The following FSIP2 variants were observed in gnomAD, a reference collection of about 807,000 sequenced individuals.
FSIP2 encodes fibrous sheath interacting protein 2, also known as fibrous sheath-interacting protein 2.
In FSIP2, 367 loss-of-function variants were observed where a neutral mutation model predicts 510.5. The ratio of observed to expected loss-of-function variants is 0.72; its 90% CI spans 0.66 to 0.78. FSIP2 has a LOEUF of 0.78. Ranked by LOEUF, FSIP2 falls within the 30% of genes least tolerant of loss-of-function variation. FSIP2 has a pLI of 0.00. For missense variants in FSIP2, 7,594 were observed against 7,901.7 expected (o/e 0.96, Z 1.48); for synonymous variants, 2,601 against 2,732.2 (o/e 0.95, Z 1.50).
In FSIP2 at chr2:185,806,738, G is replaced by C. The variant is rs1177343511; in HGVS notation, c.17432G>C (p.Arg5811Thr). The change falls in exon 17 of 23, where the codon AGA becomes ACA. Residue 5811 changes from arginine to threonine, a missense_variant. Transcript: ENST00000424728. Reference sequence around the variant, plus strand: ...ATACCAGAAACACAAATACAAGATAGATGTCAAAATGTTAGTGATAAGCAA... The same window carrying C: ...ATACCAGAAACACAAATACAAGATACATGTCAAAATGTTAGTGATAAGCAA... ...SSIPETQIQDRCQNVSDKQNQ... is the reference protein window; with the variant it reads ...SSIPETQIQDTCQNVSDKQNQ... 1.2e-6 allele frequency: 2 copies of C among 1,611,106 alleles called. No homozygotes were observed. The highest frequency in any genetic ancestry group is 1.7e-6 in the Non-Finnish European group (2 of 1,178,446).
At chr2:185,742,621 C>A (rs1380089720) in intron 2 of FSIP2, among the ~76,000 whole-genome samples, 1 of 152,056 alleles carries the variant, frequency 6.6e-6, no homozygotes, top group Non-Finnish European at 1.5e-5. Context: ...AACTCAAAAT[C>A]GTTAACATCT....
Position 185,801,545 on chromosome 2 carries a change from C to T in FSIP2, c.12239C>T (p.Thr4080Ile). The change falls in exon 17 of 23, where the codon ACA (threonine) becomes ATA (isoleucine). Residue 4080 changes from threonine to isoleucine, a missense_variant. Coordinates refer to ENST00000424728, the MANE Select transcript of FSIP2 (RefSeq NM_173651.4). ...AATGCCTCAATAGCAGAACAAATAA[C>T]AAATGGCATATTGTTAGAGATTTTA... ...YDNASIAEQI[T>I]NGILLEILDY... 1 of 1,534,042 alleles carries T rather than the reference C, an allele frequency of 6.5e-7. No individual in the cohort carries two copies. Among genetic ancestry groups the T allele is most frequent in the Non-Finnish European group, 8.7e-7 (1 of 1,145,534 alleles).
chr2:185,794,304 A>G lies in FSIP2; in HGVS notation c.7168A>G (p.Ser2390Gly). ...NILFQENIIV[S>G]EIVDSMLKML... ...TTTGTTCCAAGAAAACATCATTGTG[A>G]GTGAAATTGTTGACAGTATGTTAAA... The change falls in exon 16 of 23, where the codon AGT (serine) becomes GGT (glycine). Residue 2390 changes from serine to glycine, a missense_variant. Physicochemically the swap from Ser to Gly is moderately conservative, Grantham distance 56. Coordinates refer to ENST00000424728, the MANE Select transcript of FSIP2 (RefSeq NM_173651.4). The G allele has an allele frequency of 1.3e-6, 2 of 1,523,882 alleles. No homozygotes were observed. Among genetic ancestry groups the G allele is most frequent in the Non-Finnish European group, 8.8e-7 (1 of 1,140,476 alleles). The allele number at this position is 1,523,882 out of a possible 1,614,324, so 94.4% of individuals were successfully genotyped here.
intron 20 of FSIP2, among the ~76,000 whole-genome samples, chr2:185,826,816 G>A (rs1021371734): frequency 6.6e-6 from 1 of 151,814 alleles, no homozygotes; most frequent in Non-Finnish European, 1.5e-5. Context: ...GTTATGTTGA[G>A]ATTGAGGTGT....
Position 185,796,773 on chromosome 2 carries a change from T to C in FSIP2, c.9637T>C (p.Ser3213Pro), listed in dbSNP as rs1027608855. ...SSDLPTSVRSSVEDTVKNSEP... is the reference protein window; with the variant it reads ...SSDLPTSVRSPVEDTVKNSEP... Reference sequence around the variant, plus strand: ...AGATTTACCCACCTCTGTCAGATCCTCTGTAGAAGACACAGTTAAAAACTC... The same window carrying C: ...AGATTTACCCACCTCTGTCAGATCCCCTGTAGAAGACACAGTTAAAAACTC... Residue 3213 changes from serine to proline, a missense_variant, in exon 16 of 23, where the codon TCT becomes CCT. Ser to Pro is a moderately conservative substitution (Grantham distance 74). Coordinates refer to ENST00000424728, the MANE Select transcript of FSIP2 (RefSeq NM_173651.4). 2 of 1,534,962 alleles carry C rather than the reference T, an allele frequency of 1.3e-6. No individual in the cohort carries two copies. Among genetic ancestry groups the C allele is most frequent in the African/African-American group, 2.7e-5 (2 of 72,916 alleles).
At position 185,800,271 on chromosome 2, in the gene FSIP2, A is replaced by G; in HGVS notation, c.10965A>G (p.Arg3655=). ...AAATCAATAGACAGGCAAGCCCCAG[A>G]GACTGGCAATTTTCTACTCAACAAA... The part of the protein sequence containing the change: ...CNKINRQASP[R]DWQFSTQQIG... The change falls in exon 17 of 23, where the codon AGA becomes AGG. Residue 3655 remains arginine, a synonymous_variant. Coordinates refer to ENST00000424728, the MANE Select transcript of FSIP2 (RefSeq NM_173651.4). 6.5e-7 allele frequency: 1 copy of G among 1,534,094 alleles called. No individual in the cohort carries two copies. The highest frequency in any genetic ancestry group is 8.7e-7 in the Non-Finnish European group (1 of 1,145,642).
rs772708013 is a variant in FSIP2 at position 185,808,426 on chromosome 2, T to C, written c.19120T>C (p.Ser6374Pro). 6.2e-6 allele frequency: 10 copies of C among 1,606,374 alleles called. No individual in the cohort carries two copies. In the African/African-American group the frequency reaches 1.1e-4, roughly 17 times the overall value. The change falls in exon 17 of 23, where the codon TCA becomes CCA. Residue 6374 changes from serine to proline, a missense_variant. Transcript: ENST00000424728. ...SSSSKDEKNL[S>P]KTELNKIASQ... ...CTCAAGCAAAGATGAAAAAAACTTA[T>C]CAAAGACTGAGTTAAATAAAATTGC...
At chr2:185,739,827 G>A (rs1691886316) in intron 2 of FSIP2, among the ~76,000 whole-genome samples, 1 of 152,004 alleles carries the variant, frequency 6.6e-6, no homozygotes, top group Admixed American at 6.6e-5. Flanking sequence ...GCCATTTAAT[G>A]ATATGTTACG....
rs1693510295 is a variant in FSIP2 at position 185,804,354 on chromosome 2, A to T, written c.15048A>T (p.Arg5016Ser). The part of the protein sequence containing the change: ...NFDKNLCFSE[R>S]YKEMVQKIVN... The stretch of plus-strand genomic sequence containing the variant: ...ATAAAAATTTGTGTTTCTCAGAAAG[A>T]TACAAAGAAATGGTTCAAAAAATAG... Residue 5016 changes from arginine (R) to serine (S), a missense_variant, in exon 17 of 23, where the codon AGA becomes AGT. Coordinates refer to ENST00000424728, the MANE Select transcript of FSIP2 (RefSeq NM_173651.4). The T allele has an allele frequency of 6.7e-7, 1 of 1,502,840 alleles. No homozygotes were observed. The highest frequency in any genetic ancestry group is 8.8e-7 in the Non-Finnish European group (1 of 1,133,434). 93.1% of individuals were successfully genotyped at this position (1,502,840 alleles called of 1,614,324 possible).
intron 13 of FSIP2, among the ~76,000 whole-genome samples, chr2:185,782,498 C>T (rs1003530228): frequency 6.6e-6 from 1 of 152,070 alleles, no homozygotes; most frequent in African/African-American, 2.4e-5. Context: ...AAAGACTAGT[C>T]AGAGAAGACA....
At chr2:185,810,726 C>A (rs563246559) in intron 17 of FSIP2, among the ~76,000 whole-genome samples, 37 of 151,752 alleles carry the variant, frequency 2.4e-4, no homozygotes, top group African/African-American at 8.5e-4. Context: ...GACAGAGCCT[C>A]TTTTTTGTGG....
At chr2:185,782,597 G>A in intron 13 of FSIP2, 108 bp from the exon 14 acceptor site, 1 of 708,518 alleles carries the variant, frequency 1.4e-6, no homozygotes, top group Non-Finnish European at 2.5e-6. Context: ...CTGAAAGCCT[G>A]TAAACGAGGC....
rs146827303 is a variant in FSIP2 at position 185,787,183 on chromosome 2, T to A, written c.1506+895T>A. ...CCTATAAACATTTAGGTATGATTCT[T>A]AAGTATTTGATTTAGACTGTATTTA... On this transcript the variant is annotated intron_variant, in intron 15 of 22. Coordinates refer to ENST00000424728, the MANE Select transcript of FSIP2 (RefSeq NM_173651.4). Among the ~76,000 whole-genome samples, 1,134 of 151,862 alleles carry A rather than the reference T, an allele frequency of 7.5e-3. 11 individuals are homozygous for A. Among genetic ancestry groups the A allele is most frequent in the Admixed American group, 0.011 (174 of 15,208 alleles).
Position 185,800,658 on chromosome 2 carries a change from A to C in FSIP2, c.11352A>C (p.Ser3784=). Residue 3784 remains serine, a synonymous_variant, in exon 17 of 23, where the codon TCA becomes TCC. Transcript: ENST00000424728. ...AAGGGTCTGTTTCAGAGGAAACATCAGCAGAAGAATGTCAACTTTTAAAAA... is the reference window on the plus strand; with the variant it reads ...AAGGGTCTGTTTCAGAGGAAACATCCGCAGAAGAATGTCAACTTTTAAAAA... ...PDKGSVSEET[S]AEECQLLKML... is the part of the protein sequence containing the mutation. 1 of 1,534,202 alleles carries C rather than the reference A, an allele frequency of 6.5e-7. No homozygotes were observed. The highest frequency in any genetic ancestry group is 2.5e-5 in the East Asian group (1 of 40,814).
chr2:185,808,546 A>C lies in FSIP2; in HGVS notation c.19240A>C (p.Asn6414His), dbSNP rs536943529. The C allele has an allele frequency of 6.2e-7, 1 of 1,612,634 alleles. No individual in the cohort carries two copies. The highest frequency in any genetic ancestry group is 2.2e-5 in the East Asian group (1 of 44,722). ...TGAAGAGCACTGTTTAAATCCAGAA[A>C]ATACAGAAAGGATTTATCAGGTTGT... ...DPEEHCLNPE[N>H]TERIYQVVDS... Residue 6414 changes from asparagine to histidine, a missense_variant, in exon 17 of 23, where the codon AAT becomes CAT. Transcript: ENST00000424728.
chr2:185,746,832 A>G (rs570687106), intron 6 of FSIP2, 22 bp downstream of exon 6: 1 of 1,464,670 alleles, frequency 6.8e-7, no homozygotes, highest in South Asian at 1.3e-5. Context: ...CAACTTTAAA[A>G]TATTAACAGA....
chr2:185,828,178 A>G lies in FSIP2; in HGVS notation c.20496A>G (p.Pro6832=). The change falls in exon 21 of 23, where the codon CCA becomes CCG. Residue 6832 remains proline, a synonymous_variant. Coordinates refer to ENST00000424728, the MANE Select transcript of FSIP2 (RefSeq NM_173651.4). ...ILEESSQEQK[P]EHGNSVKFIT... is the part of the protein sequence containing the mutation. Reference sequence around the variant, plus strand: ...CAGAAAGTTCTCAGGAACAAAAGCCAGAGCATGGAAACAGTGTTAAGGTAA... The same window carrying G: ...CAGAAAGTTCTCAGGAACAAAAGCCGGAGCATGGAAACAGTGTTAAGGTAA... 1 of 1,583,522 alleles carries G rather than the reference A, an allele frequency of 6.3e-7. No individual in the cohort carries two copies. Among genetic ancestry groups the G allele is most frequent in the Non-Finnish European group, 8.7e-7 (1 of 1,153,630 alleles).
At chr2:185,817,865 TA>T (rs1281750893) in intron 19 of FSIP2, among the ~76,000 whole-genome samples, 2 of 151,924 alleles carry the variant, frequency 1.3e-5, no homozygotes, top group Non-Finnish European at 2.9e-5. Flanking sequence ...TGAACAAAAT[TA>T]AAATATTAAC....
Position 185,792,443 on chromosome 2 carries a change from CAAAG to C in FSIP2, c.5310_5313del (p.Lys1770AsnfsTer11). Reference sequence around the variant, plus strand: ...CCTTAAACAAAATTGAAGTAAAACTCAAAGAACCACATATATCTCCAATTGCTCC... The same window carrying C: ...CCTTAAACAAAATTGAAGTAAAACTCAACCACATATATCTCCAATTGCTCC... On this transcript the variant is annotated frameshift_variant, in exon 16 of 23. Transcript: ENST00000424728. LOFTEE classifies it high-confidence loss of function. 6.5e-7 allele frequency: 1 copy of C among 1,532,472 alleles called. No homozygotes were observed. Among genetic ancestry groups the C allele is most frequent in the Non-Finnish European group, 8.7e-7 (1 of 1,144,114 alleles). The allele number at this position is 1,532,472 out of a possible 1,614,324, so 94.9% of individuals were successfully genotyped here.
Sources: gnomAD v4.1 joint callset for allele counts (sites outside exome capture counted in the v4.1 genomes callset) on GRCh38, gnomAD v4.1.1 for gene constraint, MANE v1.5 for transcripts, NCBI Gene and HGNC (gene_info 2026-07-23, HGNC 2026-07-21) for gene names.